Variants in MLLT3 observed in about 807,000 individuals in gnomAD.
The protein encoded by MLLT3 is MLLT3 super elongation complex subunit.
Under a neutral mutation model 53.2 loss-of-function variants are expected in MLLT3, and 4 were observed. The ratio of observed to expected loss-of-function variants is 0.08; its 90% CI spans 0.04 to 0.17. MLLT3 has a LOEUF of 0.17. Ranked by LOEUF, MLLT3 falls within the 10% of genes least tolerant of loss-of-function variation. The probability of loss-of-function intolerance (pLI) is 1.00; values close to 1 mark genes in which losing one functional copy is unlikely to be tolerated. For synonymous variants in MLLT3, 283 were observed against 230.6 expected, an observed-to-expected ratio of 1.23 and a Z score of -2.06; for missense variants, 569 against 684.0, an observed-to-expected ratio of 0.83 and a Z score of 1.87.
intron 2 of MLLT3, among the ~76,000 whole-genome samples, chr9:20,617,890 T>G (rs1372801665): frequency 6.6e-6 from 1 of 152,240 alleles, no homozygotes; most frequent in Admixed American, 6.5e-5. Flanking sequence ...AAGCAACAAG[T>G]TAAAAATACT....
chr9:20,363,701 G>C, intron 6 of MLLT3, 96 bp from the exon 7 acceptor site: 1 of 1,131,996 alleles, frequency 8.8e-7, no homozygotes, highest in Non-Finnish European at 1.2e-6. Flanking sequence ...ACTGAACACT[G>C]GTTAAAAATA....
intron 2 of MLLT3, among the ~76,000 whole-genome samples, chr9:20,562,251 A>G (rs1467745271): frequency 2.0e-5 from 3 of 152,146 alleles, no homozygotes; most frequent in Admixed American, 1.3e-4. Context: ...TTGGCTACAC[A>G]GAACCAAAAG....
intron 2 of MLLT3, among the ~76,000 whole-genome samples, chr9:20,529,421 T>C (rs1301235996): frequency 1.3e-5 from 2 of 152,222 alleles, no homozygotes; most frequent in South Asian, 4.1e-4. Context: ...TAAAAACTGA[T>C]GCATGACACT....
At chr9:20,390,967 G>A (rs1822164334) in intron 5 of MLLT3, among the ~76,000 whole-genome samples, 3 of 152,214 alleles carry the variant, frequency 2.0e-5, no homozygotes. Flanking sequence ...AAAAGGTTAA[G>A]TAAGCAAATT....
intron 2 of MLLT3, among the ~76,000 whole-genome samples, chr9:20,569,162 T>C (rs925694776): frequency 5.3e-5 from 8 of 152,150 alleles, no homozygotes; most frequent in Admixed American, 2.6e-4. Context: ...AAAAGTTCCA[T>C]AAGCCTCAAT....
rs555441396 is a variant in MLLT3, at chr9:20,600,725, A to C, written c.193+19929T>G. On this transcript the variant is annotated intron_variant, in intron 2 of 10. Transcript: ENST00000380338. ...TTTCAAAGCCAGAACTGACTGCCTGAACACCCAATTATCTCCACCCATTTC... is the reference window on the plus strand; with the variant it reads ...TTTCAAAGCCAGAACTGACTGCCTGCACACCCAATTATCTCCACCCATTTC... Among the ~76,000 whole-genome samples, 136 of 152,312 alleles carry C rather than the reference A, an allele frequency of 8.9e-4. 1 individual carries two copies. Among genetic ancestry groups the C allele is most frequent in the African/African-American group, 3.2e-3 (133 of 41,572 alleles).
At chr9:20,510,577 A>C (rs975891813) in intron 2 of MLLT3, among the ~76,000 whole-genome samples, 2 of 141,704 alleles carry the variant, frequency 1.4e-5, no homozygotes, top group African/African-American at 5.3e-5. Flanking sequence ...ATATGACTGC[A>C]CTCCAGCCTG....
Position 20,363,497 on chromosome 9 carries a change from C to A in MLLT3, c.1310G>T (p.Arg437Ile), listed in dbSNP as rs1821375393. 6.2e-7 allele frequency: 1 copy of A among 1,613,890 alleles called. No individual in the cohort carries two copies. The highest frequency in any genetic ancestry group is 1.7e-5 in the Admixed American group (1 of 60,002). The part of the protein sequence containing the change: ...NDSEMERPVN[R>I]GGSRSRRVSL... ...TCACCTGCGACTTCGGCTGCCTCCT[C>A]TATTTACAGGCCTCTCCATTTCAGA... is the stretch of plus-strand genomic sequence containing the variant. Residue 437 changes from arginine (R) to isoleucine (I), a missense_variant, in exon 7 of 11, where the codon AGA becomes ATA. Arg to Ile is a moderately conservative substitution (Grantham distance 97, BLOSUM62 -3). This residue lies in a region of MLLT3 where 437 missense variants were observed against 376.5 expected (regional missense o/e 1.16). Transcript: ENST00000380338.
intron 2 of MLLT3, among the ~76,000 whole-genome samples, chr9:20,543,961 C>T (rs1232291215): frequency 6.6e-6 from 1 of 152,162 alleles, no homozygotes; most frequent in East Asian, 1.9e-4. Flanking sequence ...CAAGATTCCC[C>T]TACAACAGGG....
At chr9:20,397,358 T>G (rs1288696953) in intron 5 of MLLT3, among the ~76,000 whole-genome samples, 1 of 152,120 alleles carries the variant, frequency 6.6e-6, no homozygotes, top group African/African-American at 2.4e-5. Context: ...GGCTTCTCAG[T>G]GAGTATAACG....
chr9:20,574,432 A>C (rs1270033920), intron 2 of MLLT3, among the ~76,000 whole-genome samples: 1 of 152,242 alleles, frequency 6.6e-6, no homozygotes. Context: ...CAAATGACTG[A>C]AATAAAGTGA....
chr9:20,466,340 C>A (rs1400349671), intron 2 of MLLT3, among the ~76,000 whole-genome samples: 5 of 152,124 alleles, frequency 3.3e-5, no homozygotes, highest in Non-Finnish European at 5.9e-5. Flanking sequence ...GGAGACTTAA[C>A]CTGCACAGTG....
intron 5 of MLLT3, among the ~76,000 whole-genome samples, chr9:20,412,553 G>A (rs143160517): frequency 7.2e-5 from 11 of 152,242 alleles, no homozygotes; most frequent in East Asian, 5.8e-4. Flanking sequence ...GTACAAACCC[G>A]GCACAGCAAA....
rs535115494 is a variant in MLLT3 at position 20,538,359 on chromosome 9, A to G, written c.194-81573T>C. ...TCAAATTACTTGCCCAAAATTTATA[A>G]GTAAGTAAGTAACACAGCTGAAATT... On this transcript the variant is annotated intron_variant, in intron 2 of 10. Transcript: ENST00000380338. Among the ~76,000 whole-genome samples the G allele has an allele frequency of 4.1e-4, 63 of 152,336 alleles. 1 individual carries two copies. The South Asian group carries it at 0.013, about 31-fold the overall frequency.
chr9:20,353,651 A>G, intron 9 of MLLT3, 55 bp from the exon 10 acceptor site: 3 of 1,388,054 alleles, frequency 2.2e-6, no homozygotes, highest in Non-Finnish European at 3.1e-6. Flanking sequence ...GTAGTTCAAA[A>G]ATAAATGAAT....
chr9:20,481,835 T>A (rs1024726220), intron 2 of MLLT3, among the ~76,000 whole-genome samples: 49 of 152,258 alleles, frequency 3.2e-4, no homozygotes, highest in African/African-American at 1.1e-3. Flanking sequence ...TAAAACCACA[T>A]TTTTTAAAAA....
intron 2 of MLLT3, among the ~76,000 whole-genome samples, chr9:20,534,025 G>T (rs112134948): frequency 1.3e-5 from 2 of 152,048 alleles, no homozygotes; most frequent in Admixed American, 6.6e-5. Flanking sequence ...CAATGTACAC[G>T]TATATCAAAT....
chr9:20,415,801 G>A (rs1822856422), intron 4 of MLLT3, among the ~76,000 whole-genome samples: 1 of 152,008 alleles, frequency 6.6e-6, no homozygotes, highest in Non-Finnish European at 1.5e-5. Flanking sequence ...ATAGGTACAT[G>A]TATAAGCATC....
chr9:20,383,099 CAA>C (rs1821943955), intron 5 of MLLT3, among the ~76,000 whole-genome samples: 6 of 151,742 alleles, frequency 4.0e-5, no homozygotes, highest in Admixed American at 2.0e-4. Flanking sequence ...AAGTGAGAAA[CAA>C]GAGAAAACAC....
Sources: gnomAD v4.1 joint callset for allele counts (sites outside exome capture counted in the v4.1 genomes callset) on GRCh38, gnomAD v4.1.1 for gene constraint, gnomAD v4.1.1 regional missense constraint, MANE v1.5 for transcripts, NCBI Gene and HGNC (gene_info 2026-07-23, HGNC 2026-07-21) for gene names.